Variants in TMEM132D observed in about 807,000 individuals in gnomAD.
The protein encoded by TMEM132D is mature OL transmembrane protein.
TMEM132D carries 21 observed loss-of-function variants against 62.3 expected under a neutral mutation model. That is an observed-to-expected ratio of 0.34 (90% CI 0.24 to 0.49). TMEM132D has a LOEUF of 0.49. Ranked by LOEUF, TMEM132D falls within the 20% of genes least tolerant of loss-of-function variation. The probability of loss-of-function intolerance (pLI) is 0.99; values close to 1 mark genes in which losing one functional copy is unlikely to be tolerated. For missense variants in TMEM132D, 1,346 were observed against 1,402.8 expected (o/e 0.96, Z 0.65); for synonymous variants, 621 against 575.6 (o/e 1.08, Z -1.13).
intron 1 of TMEM132D, among the ~76,000 whole-genome samples, chr12:129,770,927 AC>A (rs1870728958): frequency 1.3e-5 from 2 of 152,184 alleles, no homozygotes; most frequent in Admixed American, 1.3e-4. Context: ...TAAGCCGAGG[AC>A]TGTCTGTAGT....
At chr12:129,420,842 T>C (rs1872298036) in intron 3 of TMEM132D, among the ~76,000 whole-genome samples, 1 of 152,212 alleles carries the variant, frequency 6.6e-6, no homozygotes, top group African/African-American at 2.4e-5. Flanking sequence ...AGGAATGTTT[T>C]TGTGTTTCCA....
chr12:129,427,431 A>G (rs1352558420), intron 3 of TMEM132D, among the ~76,000 whole-genome samples: 4 of 152,000 alleles, frequency 2.6e-5, no homozygotes, highest in Admixed American at 1.3e-4. Flanking sequence ...GGGCAGGGAT[A>G]GCATTAGGAG....
chr12:129,756,797 A>G (rs964656746), intron 1 of TMEM132D, among the ~76,000 whole-genome samples: 2 of 152,226 alleles, frequency 1.3e-5, no homozygotes, highest in African/African-American at 4.8e-5. Context: ...CTTGTTCACC[A>G]CCTGCCTGGC....
chr12:129,614,217 G>A (rs1303431466), intron 2 of TMEM132D, among the ~76,000 whole-genome samples: 1 of 152,242 alleles, frequency 6.6e-6, no homozygotes, highest in African/African-American at 2.4e-5. Context: ...TATCAGTGAG[G>A]ACTGCACTTG....
chr12:129,245,052 A>T (rs1880056607), intron 4 of TMEM132D, among the ~76,000 whole-genome samples: 2 of 152,202 alleles, frequency 1.3e-5, no homozygotes, highest in Non-Finnish European at 2.9e-5. Flanking sequence ...AGAAAAATCA[A>T]TCCTGATATA....
At chr12:129,712,817 G>C (rs1424058273) in intron 1 of TMEM132D, among the ~76,000 whole-genome samples, 1 of 152,258 alleles carries the variant, frequency 6.6e-6, no homozygotes, top group East Asian at 1.9e-4. Context: ...CCTTCCTGCT[G>C]TGTAGGAAGC....
At chr12:129,723,819 C>A (rs1001574748) in intron 1 of TMEM132D, among the ~76,000 whole-genome samples, 2 of 152,196 alleles carry the variant, frequency 1.3e-5, no homozygotes, top group South Asian at 4.1e-4. Context: ...AGTTACCATC[C>A]CTTGATGACA....
intron 1 of TMEM132D, among the ~76,000 whole-genome samples, chr12:129,821,855 T>C (rs1203308847): frequency 6.6e-6 from 1 of 151,814 alleles, no homozygotes; most frequent in Non-Finnish European, 1.5e-5. Context: ...ATTTAGGGAG[T>C]CATGAAGCCT....
intron 2 of TMEM132D, among the ~76,000 whole-genome samples, chr12:129,649,858 GTGTA>G (rs3046717): frequency 0.15 from 22,624 of 151,528 alleles, 2,115 homozygotes; most frequent in Non-Finnish European, 0.21. Context: ...GTTTGTATAT[GTGTA>G]TGTATGTGTG....
At chr12:129,127,815 C>T (rs986239730) in intron 5 of TMEM132D, among the ~76,000 whole-genome samples, 2 of 152,226 alleles carry the variant, frequency 1.3e-5, no homozygotes, top group Non-Finnish European at 2.9e-5. Flanking sequence ...TCTTGTCTCC[C>T]GTCTCACACT....
Position 129,663,925 on chromosome 12 carries a change from TAGCC to T in TMEM132D, c.968+35881_968+35884del, listed in dbSNP as rs1880307819. Among the ~76,000 whole-genome samples the T allele has an allele frequency of 2.0e-5, 3 of 149,824 alleles. No homozygotes were observed. The South Asian group carries it at 6.3e-4, about 31-fold the overall frequency. ...GAAGTTGCATGGAATTTAGAGATTT[TAGCC>T]ATTATTCTCAAATTAGGAAAAACAA... On this transcript the variant is annotated intron_variant, in intron 2 of 8. Transcript: ENST00000422113.
At chr12:129,866,606 A>T (rs1874070025) in intron 1 of TMEM132D, among the ~76,000 whole-genome samples, 1 of 151,986 alleles carries the variant, frequency 6.6e-6, no homozygotes. Flanking sequence ...AATATATTAA[A>T]AAAAAAAAGA....
chr12:129,376,273 T>A (rs1224975824), intron 3 of TMEM132D, among the ~76,000 whole-genome samples: 1 of 152,170 alleles, frequency 6.6e-6, no homozygotes, highest in African/African-American at 2.4e-5. Flanking sequence ...GTTAATGGAC[T>A]CACAGTTCAG....
chr12:129,201,643 C>CT (rs1878707400), intron 5 of TMEM132D, among the ~76,000 whole-genome samples: 1 of 152,204 alleles, frequency 6.6e-6, no homozygotes, highest in African/African-American at 2.4e-5. Context: ...GACAAATACT[C>CT]TTTTCTATTG....
chr12:129,219,538 G>A (rs1471583250), intron 4 of TMEM132D, among the ~76,000 whole-genome samples: 1 of 152,156 alleles, frequency 6.6e-6, no homozygotes, highest in Non-Finnish European at 1.5e-5. Flanking sequence ...TCCAGAAATG[G>A]ACTCAGTTGC....
intron 2 of TMEM132D, among the ~76,000 whole-genome samples, chr12:129,676,072 G>A (rs905020309): frequency 3.9e-5 from 6 of 152,276 alleles, no homozygotes; most frequent in Non-Finnish European, 7.3e-5. Context: ...CTGTGGCCTC[G>A]AGAATATGCA....
chr12:129,746,779 CT>C (rs1869794187), intron 1 of TMEM132D, among the ~76,000 whole-genome samples: 1 of 152,116 alleles, frequency 6.6e-6, no homozygotes, highest in African/African-American at 2.4e-5. Flanking sequence ...TTTCTCTGCA[CT>C]CCTGCCGTCT....
intron 1 of TMEM132D, among the ~76,000 whole-genome samples, chr12:129,767,516 C>T (rs1446362150): frequency 6.6e-6 from 1 of 152,174 alleles, no homozygotes; most frequent in Admixed American, 6.6e-5. Flanking sequence ...TCCCCTCAGC[C>T]CCTGACAACC....
chr12:129,458,837 A>T (rs1873564619), intron 3 of TMEM132D, among the ~76,000 whole-genome samples: 1 of 152,130 alleles, frequency 6.6e-6, no homozygotes, highest in Non-Finnish European at 1.5e-5. Context: ...TGAAGTGGAG[A>T]GAGATGACAC....
Sources: gnomAD v4.1 joint callset for allele counts (sites outside exome capture counted in the v4.1 genomes callset) on GRCh38, gnomAD v4.1.1 for gene constraint, MANE v1.5 for transcripts, NCBI Gene and HGNC (gene_info 2026-07-23, HGNC 2026-07-21) for gene names.